The following DCAF17 variants were observed in gnomAD, a reference collection of about 807,000 sequenced individuals.
DCAF17 encodes the protein DDB1- and CUL4-associated factor 17.
A neutral mutation model predicts 66.0 loss-of-function variants in DCAF17; 48 were observed. That is an observed-to-expected ratio of 0.73 (90% CI 0.58 to 0.92). The LOEUF is 0.92. DCAF17 is among the 40% of genes least tolerant of loss of function. The pLI, the probability that DCAF17 is intolerant of heterozygous loss-of-function variation, is 0.00. For synonymous variants in DCAF17, 206 were observed against 214.6 expected (o/e 0.96, Z 0.35); for missense variants, 562 against 622.8 (o/e 0.90, Z 1.04).
Position 171,483,509 on chromosome 2 carries a change from T to C in DCAF17, c.*2395T>C, listed in dbSNP as rs886259747. 2 of 454,008 alleles carry C rather than the reference T, an allele frequency of 4.4e-6. No individual in the cohort carries two copies. Among genetic ancestry groups the C allele is most frequent in the Non-Finnish European group, 8.8e-6 (2 of 226,796 alleles). 28.1% of individuals were successfully genotyped at this position (454,008 alleles called of 1,614,324 possible). On this transcript the variant is annotated 3_prime_UTR_variant, in exon 14 of 14. Transcript: ENST00000375255. ...TTGTTCCTCAATTTTTTACAATATT[T>C]ATCACAACTCTGGGAGAAAACAAAA...
intron 8 of DCAF17, 73 bp downstream of exon 8, chr2:171,458,550 C>T: frequency 8.8e-7 from 1 of 1,140,828 alleles, no homozygotes; most frequent in Non-Finnish European, 1.3e-6. Context: ...TAATTATAGT[C>T]ATCCAAATGT....
At chr2:171,450,363 T>C (rs1460228447) in intron 5 of DCAF17, among the ~76,000 whole-genome samples, 1 of 152,116 alleles carries the variant, frequency 6.6e-6, no homozygotes, top group African/African-American at 2.4e-5. Flanking sequence ...ACACCACCTG[T>C]TCCTCAAAAA....
intron 3 of DCAF17, 52 bp from the exon 4 acceptor site, chr2:171,448,629 A>C: frequency 6.8e-7 from 1 of 1,474,602 alleles, no homozygotes; most frequent in Non-Finnish European, 9.0e-7. Flanking sequence ...GATTACTGCA[A>C]ATTGTTCATG....
chr2:171,463,822 T>C (rs918321264), intron 8 of DCAF17, among the ~76,000 whole-genome samples: 2 of 152,240 alleles, frequency 1.3e-5, no homozygotes, highest in African/African-American at 4.8e-5. Flanking sequence ...AAATAAAAGC[T>C]TTAACTCATC....
intron 8 of DCAF17, among the ~76,000 whole-genome samples, chr2:171,463,224 T>TAAAAAAAAA (rs945893879): frequency 9.7e-4 from 134 of 137,712 alleles, no homozygotes; most frequent in African/African-American, 3.5e-3. Flanking sequence ...AGCGAGATTT[T>TAAAAAAAAA]AAAAAAAAAA....
chr2:171,471,177 G>A (rs1472754018), intron 9 of DCAF17, among the ~76,000 whole-genome samples: 3 of 152,028 alleles, frequency 2.0e-5, no homozygotes, highest in African/African-American at 7.3e-5. Flanking sequence ...CCAAATTCAG[G>A]GGAAGTTTTT....
At chr2:171,478,252 T>G (rs1350950603) in intron 12 of DCAF17, among the ~76,000 whole-genome samples, 182 bp downstream of exon 12, 18 of 152,216 alleles carry the variant, frequency 1.2e-4, no homozygotes, top group Admixed American at 1.2e-3. Context: ...CTTTTCATAT[T>G]GTAATTATTC....
chr2:171,480,470 A>G (rs759469596), intron 13 of DCAF17, among the ~76,000 whole-genome samples: 42 of 152,130 alleles, frequency 2.8e-4, no homozygotes, highest in Non-Finnish European at 5.4e-4. Context: ...TTTTCTTTCA[A>G]TTGTAAATTT....
At chr2:171,437,612 T>TA (rs1694048961) in intron 2 of DCAF17, among the ~76,000 whole-genome samples, 1 of 152,240 alleles carries the variant, frequency 6.6e-6, no homozygotes, top group African/African-American at 2.4e-5. Context: ...GATACAGACT[T>TA]ATTCAAGTTA....
At chr2:171,448,154 C>T (rs62183495) in intron 3 of DCAF17, among the ~76,000 whole-genome samples, 30,658 of 151,524 alleles carry the variant, frequency 0.2, 3,234 homozygotes, top group South Asian at 0.28. Flanking sequence ...TTTTTTGAGA[C>T]GGGATCTCAC....
At chr2:171,448,902 G>C in intron 4 of DCAF17, 85 bp downstream of exon 4, 1 of 1,282,248 alleles carries the variant, frequency 7.8e-7, no homozygotes, top group Non-Finnish European at 1.1e-6. Context: ...TTTTTTCCCT[G>C]TCAGTTTTCT....
chr2:171,460,178 C>G lies in DCAF17; in HGVS notation c.838+1701C>G, dbSNP rs1054386297. On this transcript the variant is annotated intron_variant, in intron 8 of 13. Transcript: ENST00000375255. Reference sequence around the variant, plus strand: ...TCTCTACTAAAAATACAAAAATTAGCTAGGCACGGTGGCAGGCACCTGTAA... The same window carrying G: ...TCTCTACTAAAAATACAAAAATTAGGTAGGCACGGTGGCAGGCACCTGTAA... Among the ~76,000 whole-genome samples the G allele has an allele frequency of 2.6e-5, 4 of 151,844 alleles. No homozygotes were observed. The East Asian group carries it at 7.7e-4, about 29-fold the overall frequency.
At chr2:171,455,101 T>C (rs981984369) in intron 6 of DCAF17, among the ~76,000 whole-genome samples, 2 of 151,200 alleles carry the variant, frequency 1.3e-5, no homozygotes, top group Non-Finnish European at 2.9e-5. Context: ...TAATATCTAT[T>C]AGTTATTTTT....
chr2:171,477,171 T>C (rs1696536403), intron 11 of DCAF17, among the ~76,000 whole-genome samples: 1 of 152,136 alleles, frequency 6.6e-6, no homozygotes, highest in Admixed American at 6.5e-5. Context: ...GATTTCCGCT[T>C]CTTTTCTGAG....
At position 171,481,201 on chromosome 2, in the gene DCAF17, AT is replaced by A; in HGVS notation, c.*89del. On this transcript the variant is annotated 3_prime_UTR_variant, in exon 14 of 14. Coordinates refer to ENST00000375255, the MANE Select transcript of DCAF17 (RefSeq NM_025000.4). ...ATCCATTTTATTATCTGCATGGCAC[AT>A]TCTCCAGTATTTTCCAAAAAAGTCT... 1 of 1,546,664 alleles carries A rather than the reference AT, an allele frequency of 6.5e-7. No homozygotes were observed.
chr2:171,440,857 C>T (rs1251142720), intron 2 of DCAF17, among the ~76,000 whole-genome samples: 2 of 152,202 alleles, frequency 1.3e-5, no homozygotes, highest in Non-Finnish European at 2.9e-5. Context: ...CCTGAATTCT[C>T]TGATGGATCT....
In DCAF17 at chr2:171,458,002, C is replaced by G. The variant is rs1695356845; in HGVS notation, c.659C>G (p.Ser220Cys). 6.2e-7 allele frequency: 1 copy of G among 1,614,076 alleles called. No homozygotes were observed. Among genetic ancestry groups the G allele is most frequent in the South Asian group, 1.1e-5 (1 of 91,080 alleles). ...IFGNVTDATL[S>C]HGILIVMYSS... ...GGGAACGTTACAGATGCTACCTTGTCTCATGGAATACTGATTGTGATGTAC... is the reference window on the plus strand; with the variant it reads ...GGGAACGTTACAGATGCTACCTTGTGTCATGGAATACTGATTGTGATGTAC... Residue 220 changes from serine to cysteine, a missense_variant, in exon 7 of 14, where the codon TCT becomes TGT. Coordinates refer to ENST00000375255, the MANE Select transcript of DCAF17 (RefSeq NM_025000.4).
Position 171,434,487 on chromosome 2 carries a change from G to A in DCAF17, c.-91G>A, listed in dbSNP as rs1475942535. ...GCCCCGCCGGGAAAGTCTGGGCCTC[G>A]AAATTCGAAGGCAGCGGCGGCTGCC... On this transcript the variant is annotated 5_prime_UTR_variant, in exon 1 of 14. Coordinates refer to ENST00000375255, the MANE Select transcript of DCAF17 (RefSeq NM_025000.4). The A allele has an allele frequency of 6.6e-7, 1 of 1,519,738 alleles. No individual in the cohort carries two copies. Among genetic ancestry groups the A allele is most frequent in the Non-Finnish European group, 8.8e-7 (1 of 1,137,616 alleles). 94.1% of individuals were successfully genotyped at this position (1,519,738 alleles called of 1,614,324 possible). A position where few individuals can be genotyped will look rare whatever the true frequency, so the allele number is the denominator to read the frequency against.
At chr2:171,445,717 C>T (rs1694580301) in intron 3 of DCAF17, among the ~76,000 whole-genome samples, 1 of 152,140 alleles carries the variant, frequency 6.6e-6, no homozygotes, top group Non-Finnish European at 1.5e-5. Flanking sequence ...GGGTCTCACT[C>T]TGTTGCCTAA....
Sources: allele counts gnomAD v4.1 joint callset (sites outside exome capture counted in the v4.1 genomes callset), GRCh38; gene constraint gnomAD v4.1.1; transcripts MANE v1.5; gene names NCBI Gene and HGNC (gene_info 2026-07-23, HGNC 2026-07-21).